The following PPL variants were observed in gnomAD, a reference collection of about 807,000 sequenced individuals.
PPL encodes the protein periplakin, also known as 190 kDa paraneoplastic pemphigus antigen.
In PPL, 198 loss-of-function variants were observed where a neutral mutation model predicts 194.4. The observed-to-expected ratio is 1.02, with a 90% confidence interval of 0.91 to 1.15. The LOEUF is 1.15. PPL is among the 50% of genes most tolerant of loss of function. The pLI is 0.00. For synonymous variants in PPL, 1,220 were observed against 972.4 expected (o/e 1.25, Z -4.74); for missense variants, 2,885 against 2,294.8 (o/e 1.26, Z -5.25).
At chr16:4,917,922 T>G (rs1428164471) in intron 1 of PPL, among the ~76,000 whole-genome samples, 2 of 149,076 alleles carry the variant, frequency 1.3e-5, no homozygotes, top group Admixed American at 1.3e-4. Flanking sequence ...ACAAAAACAC[T>G]GAACTGAACA....
rs151258810 is a variant in PPL at position 4,896,997 on chromosome 16, C to G, written c.972+678G>C. On this transcript the variant is annotated intron_variant, in intron 9 of 21. Coordinates refer to ENST00000345988, the MANE Select transcript of PPL (RefSeq NM_002705.5). ...TGCAAGTAGATGGTGGTGATGGTTG[C>G]ATAACATTGCGAATGCAATGAATGC... 1.4e-3 allele frequency among the ~76,000 whole-genome samples: 220 copies of G among 152,056 alleles called. 1 individual carries two copies. The East Asian group carries it at 0.016, about 11-fold the overall frequency.
rs921690254 is a variant in PPL at position 4,902,229 on chromosome 16, C to T, written c.438+177G>A. ...CGCTTGAGCTGTGTGACCCTGACTT[C>T]GTGCTGCACTTCTCTGAGCCTCACT... is the stretch of plus-strand genomic sequence containing the variant. On this transcript the variant is annotated intron_variant, in intron 4 of 21. Transcript: ENST00000345988. This position sits in a 1 kb window ranked among gnomAD's most constrained non-coding sequence, Gnocchi z 4.0. Among the ~76,000 whole-genome samples the T allele has an allele frequency of 6.6e-6, 1 of 152,206 alleles. No individual in the cohort carries two copies. Among genetic ancestry groups the T allele is most frequent in the Admixed American group, 6.5e-5 (1 of 15,280 alleles).
At chr16:4,912,196 C>G (rs1263955395) in intron 1 of PPL, among the ~76,000 whole-genome samples, 2 of 152,230 alleles carry the variant, frequency 1.3e-5, no homozygotes, top group Non-Finnish European at 2.9e-5. Flanking sequence ...CACCCACAAG[C>G]TGTCACTCCC....
At position 4,885,958 on chromosome 16, in the gene PPL, C is replaced by G. The variant is rs764389536; in HGVS notation, c.2697G>C (p.Leu899=). 6.2e-7 allele frequency: 1 copy of G among 1,613,692 alleles called. No individual in the cohort carries two copies. Among genetic ancestry groups the G allele is most frequent in the Non-Finnish European group, 8.5e-7 (1 of 1,180,018 alleles). ...VEEAWKIRKE[L]DEETERRRQL... ...GCCGCCTCCGCTCAGTCTCCTCATC[C>G]AGTTCCTTCCTGATCTTCCACGCCT... The change falls in exon 22 of 22, where the codon CTG becomes CTC. Residue 899 remains leucine, a synonymous_variant. Coordinates refer to ENST00000345988, the MANE Select transcript of PPL (RefSeq NM_002705.5). This position sits in a 1 kb window ranked among gnomAD's most constrained non-coding sequence, Gnocchi z 6.3.
At chr16:4,916,778 T>C (rs1327918783) in intron 1 of PPL, among the ~76,000 whole-genome samples, 1 of 152,066 alleles carries the variant, frequency 6.6e-6, no homozygotes, top group Non-Finnish European at 1.5e-5. Context: ...ATATTAGGAT[T>C]ACAGGCGTGA....
intron 1 of PPL, among the ~76,000 whole-genome samples, chr16:4,935,918 C>G (rs1469019486): frequency 6.6e-6 from 1 of 152,114 alleles, no homozygotes; most frequent in East Asian, 1.9e-4. Context: ...AATGTGCGGG[C>G]CCCTCACCTG....
In PPL at chr16:4,884,791, G is replaced by C. The variant is rs200531822; in HGVS notation, c.3864C>G (p.Thr1288=). Residue 1288 remains threonine (T), a synonymous_variant, in exon 22 of 22, where the codon ACC becomes ACG. Coordinates refer to ENST00000345988, the MANE Select transcript of PPL (RefSeq NM_002705.5). This position sits in a 1 kb window ranked among gnomAD's most constrained non-coding sequence, Gnocchi z 5.7. ...GGAGGATCTCCTGGACCACCTCTTT[G>C]GTCTGGACCTGGGGTTTGGTGTCTT... is the stretch of plus-strand genomic sequence containing the variant. ...ALKDTKPQVQ[T]KEVVQEILQF... The C allele has an allele frequency of 1.2e-6, 2 of 1,614,084 alleles. No individual in the cohort carries two copies. The highest frequency in any genetic ancestry group is 2.7e-5 in the African/African-American group (2 of 74,994).
At chr16:4,888,936 AC>A in intron 19 of PPL, 41 bp downstream of exon 19, 2 of 1,580,040 alleles carry the variant, frequency 1.3e-6, no homozygotes, top group Non-Finnish European at 8.7e-7. Context: ...GTGGAATAAG[AC>A]CCCTGCTGTT....
At chr16:4,933,656 T>C (rs1371395095) in intron 1 of PPL, among the ~76,000 whole-genome samples, 5 of 152,188 alleles carry the variant, frequency 3.3e-5, no homozygotes, top group African/African-American at 1.2e-4. Flanking sequence ...CCATTGCTCC[T>C]GCCTGGCCCC....
intron 1 of PPL, among the ~76,000 whole-genome samples, chr16:4,912,387 C>A (rs573937852): frequency 2.0e-5 from 3 of 152,368 alleles, no homozygotes; most frequent in Admixed American, 6.5e-5. Context: ...GAACTTCATT[C>A]TTTTTATGGC....
At position 4,902,775 on chromosome 16, in the gene PPL, C is replaced by T. The variant is rs907948304; in HGVS notation, c.318-249G>A. 8.5e-5 allele frequency among the ~76,000 whole-genome samples: 13 copies of T among 152,050 alleles called. No individual in the cohort carries two copies. In the East Asian group the frequency reaches 1.5e-3, roughly 18 times the overall value. On this transcript the variant is annotated intron_variant, in intron 3 of 21. Coordinates refer to ENST00000345988, the MANE Select transcript of PPL (RefSeq NM_002705.5). This position sits in a 1 kb window ranked among gnomAD's most constrained non-coding sequence, Gnocchi z 4.0. ...CGTCATCTCAGCTCATGGCAGCCTC[C>T]GCCTCCCAGGTTCAAGCAATTCTCC...
chr16:4,890,688 C>A (rs1014018033), intron 17 of PPL, 40 bp downstream of exon 17: 90 of 1,561,844 alleles, frequency 5.8e-5, no homozygotes, highest in Non-Finnish European at 7.6e-5. Context: ...AGATCGCATT[C>A]TCAGAAAACA....
rs146698105 is a variant in PPL at position 4,930,812 on chromosome 16, C to T, written c.62+6172G>A. ...ATGGCAGAGGGAAAGGCCTTGTGGC[C>T]GGGCACAGCGTGGAAACAAGACGGT... On this transcript the variant is annotated intron_variant, in intron 1 of 21. Transcript: ENST00000345988. Among the ~76,000 whole-genome samples the T allele has an allele frequency of 2.2e-3, 328 of 152,274 alleles. 2 individuals are homozygous for T. Among genetic ancestry groups the T allele is most frequent in the African/African-American group, 7.1e-3 (295 of 41,550 alleles).
At chr16:4,892,475 AGCACTGCACGCGGAC>A (rs2088338822) in intron 14 of PPL, among the ~76,000 whole-genome samples, 1 of 152,228 alleles carries the variant, frequency 6.6e-6, no homozygotes, top group Non-Finnish European at 1.5e-5. Context: ...TGCTGTCCTC[AGCACTGCACGCGGAC>A]GCTTCTGTTT....
Position 4,884,322 on chromosome 16 carries a change from G to A in PPL, c.4333C>T (p.Gln1445Ter). 6.2e-7 allele frequency: 1 copy of A among 1,613,094 alleles called. No homozygotes were observed. The highest frequency in any genetic ancestry group is 8.5e-7 in the Non-Finnish European group (1 of 1,179,804). The part of the protein sequence containing the change: ...AEAREKVTHT[Q>*]KVVLQQDPQQ... ...GGGTCCTGCTGCAGCACCACCTTCTGCGTATGGGTTACCTTCTCACGGGCC... is the reference window on the plus strand; with the variant it reads ...GGGTCCTGCTGCAGCACCACCTTCTACGTATGGGTTACCTTCTCACGGGCC... The change falls in exon 22 of 22, where the codon CAG becomes TAG. Residue 1445 changes from glutamine (Q) to a stop codon, truncating the protein, a stop_gained. Coordinates refer to ENST00000345988, the MANE Select transcript of PPL (RefSeq NM_002705.5). LOFTEE classifies it high-confidence loss of function. This position sits in a 1 kb window ranked among gnomAD's most constrained non-coding sequence, Gnocchi z 5.7.
chr16:4,889,256 T>TGGG (rs1567992965), intron 18 of PPL, among the ~76,000 whole-genome samples, 195 bp from the exon 19 acceptor site: 1 of 124,450 alleles, frequency 8.0e-6, no homozygotes, highest in African/African-American at 3.1e-5. Flanking sequence ...TTTTTTTTTT[T>TGGG]TTTTTTTTTT....
At position 4,937,056 on chromosome 16, in the gene PPL, G is replaced by C. The variant is rs767483295; in HGVS notation, c.-11C>G. 1.1e-5 allele frequency: 16 copies of C among 1,429,076 alleles called. No individual in the cohort carries two copies. The highest frequency in any genetic ancestry group is 1.4e-5 in the Non-Finnish European group (15 of 1,083,960). 88.5% of individuals were successfully genotyped at this position (1,429,076 alleles called of 1,614,324 possible). On this transcript the variant is annotated 5_prime_UTR_variant, in exon 1 of 22. Transcript: ENST00000345988. The stretch of plus-strand genomic sequence containing the variant: ...GAAGAGCGAGTTCATGGTGGCGCTC[G>C]GGGTGCGGGCGGCGGCGGCTGGCGG...
chr16:4,935,257 T>C (rs1199131669), intron 1 of PPL, among the ~76,000 whole-genome samples: 2 of 152,098 alleles, frequency 1.3e-5, no homozygotes, highest in African/African-American at 4.8e-5. Context: ...GAACCTTTTG[T>C]TAGGTCCAAG....
intron 1 of PPL, among the ~76,000 whole-genome samples, chr16:4,936,478 G>A (rs1370947509): frequency 1.3e-5 from 2 of 152,260 alleles, no homozygotes; most frequent in South Asian, 4.1e-4. Flanking sequence ...CACTTGCGCG[G>A]TCTCAGAGGC....
Sources: gnomAD v4.1 joint callset for allele counts (sites outside exome capture counted in the v4.1 genomes callset) on GRCh38, gnomAD v4.1.1 for gene constraint, Gnocchi (gnomAD v3.1) non-coding constraint, MANE v1.5 for transcripts, NCBI Gene and HGNC (gene_info 2026-07-23, HGNC 2026-07-21) for gene names.